Variants in UNC79 observed in about 807,000 individuals in gnomAD.
The protein encoded by UNC79 is protein unc-79 homolog.
In UNC79, 37 loss-of-function variants were observed where a neutral mutation model predicts 283.1. That is an observed-to-expected ratio of 0.13 (90% CI 0.10 to 0.17). UNC79 has a LOEUF of 0.17. UNC79 is among the 10% of genes least tolerant of loss of function. UNC79 has a pLI of 1.00. For missense variants in UNC79, 2,272 were observed against 3,211.1 expected (o/e 0.71, Z 7.07); for synonymous variants, 1,107 against 1,200.2 (o/e 0.92, Z 1.61).
intron 7 of UNC79, among the ~76,000 whole-genome samples, chr14:93,505,263 C>T (rs1325731090): frequency 6.6e-6 from 1 of 152,030 alleles, no homozygotes; most frequent in Non-Finnish European, 1.5e-5. Flanking sequence ...TGTTAAAAAT[C>T]TCTTACTATG....
chr14:93,440,285 G>A (rs1476522194), intron 1 of UNC79, among the ~76,000 whole-genome samples: 3 of 152,016 alleles, frequency 2.0e-5, no homozygotes, highest in Non-Finnish European at 4.4e-5. Flanking sequence ...GATACTGAGG[G>A]ATGACTGTAT....
At chr14:93,566,708 G>T (rs2062908031) in intron 14 of UNC79, among the ~76,000 whole-genome samples, 1 of 150,676 alleles carries the variant, frequency 6.6e-6, no homozygotes, top group African/African-American at 2.4e-5. Flanking sequence ...CATGATCTCG[G>T]CTCACTGCAA....
At chr14:93,497,695 T>G (rs2059076558) in intron 7 of UNC79, among the ~76,000 whole-genome samples, 1 of 152,134 alleles carries the variant, frequency 6.6e-6, no homozygotes, top group Non-Finnish European at 1.5e-5. Flanking sequence ...AAATAAAAAT[T>G]AAATGACCCA....
In UNC79 at chr14:93,420,414, G is replaced by A. The variant is rs190263060; in HGVS notation, c.-350-47257G>A. ...GGGGTCAATTCAGCAAGAGGATATA[G>A]TAAATATATATGTACTCAATAGGGG... is the stretch of plus-strand genomic sequence containing the variant. On this transcript the variant is annotated intron_variant, in intron 1 of 49. Transcript: ENST00000256339. Among the ~76,000 whole-genome samples, 9 of 151,576 alleles carry A rather than the reference G, an allele frequency of 5.9e-5. No individual in the cohort carries two copies. In the East Asian group the frequency reaches 1.8e-3, roughly 30 times the overall value.
Position 93,403,060 on chromosome 14 carries a change from A to C in UNC79, c.-350-64611A>C, listed in dbSNP as rs2055143911. On this transcript the variant is annotated intron_variant, in intron 1 of 49. Transcript: ENST00000256339. ...GTGGGAGTGGGGCTTCCAGGTCATA[A>C]ATAGGTAGGAGACAAATGGTTGCAT... Among the ~76,000 whole-genome samples, 4 of 152,318 alleles carry C rather than the reference A, an allele frequency of 2.6e-5. No homozygotes were observed. The East Asian group carries it at 7.7e-4, about 29-fold the overall frequency.
Position 93,621,102 on chromosome 14 carries a change from G to T in UNC79, c.4388-519G>T. Reference sequence around the variant, plus strand: ...ATGTTGTACTCTACCGTTTGTTTGGGGTGAAATCTTAATTTTATTATGTTA... The same window carrying T: ...ATGTTGTACTCTACCGTTTGTTTGGTGTGAAATCTTAATTTTATTATGTTA... On this transcript the variant is annotated intron_variant, in intron 29 of 48. Coordinates refer to ENST00000555664, the Ensembl canonical transcript of UNC79. This position sits in a 1 kb window ranked among gnomAD's most constrained non-coding sequence, Gnocchi z 4.8. 2.2e-6 allele frequency: 1 copy of T among 447,676 alleles called. No individual in the cohort carries two copies. The highest frequency in any genetic ancestry group is 4.4e-6 in the Non-Finnish European group (1 of 228,426). 27.7% of individuals were successfully genotyped at this position (447,676 alleles called of 1,614,324 possible).
intron 14 of UNC79, among the ~76,000 whole-genome samples, chr14:93,560,761 A>G (rs1331425525): frequency 6.6e-6 from 1 of 152,134 alleles, no homozygotes; most frequent in Non-Finnish European, 1.5e-5. Context: ...AGCTTGTGCC[A>G]GGCAAAACTG....
intron 1 of UNC79, among the ~76,000 whole-genome samples, chr14:93,436,023 G>C (rs147530737): frequency 2.0e-5 from 3 of 152,118 alleles, no homozygotes; most frequent in Non-Finnish European, 4.4e-5. Flanking sequence ...TTTACTTTGT[G>C]TGTAGATTGT....
At chr14:93,624,295 T>C (rs2067375160) in intron 30 of UNC79, among the ~76,000 whole-genome samples, 1 of 152,202 alleles carries the variant, frequency 6.6e-6, no homozygotes, top group Non-Finnish European at 1.5e-5. Flanking sequence ...GAAAGGGTCA[T>C]GCTCCAGCCA....
intron 14 of UNC79, among the ~76,000 whole-genome samples, chr14:93,547,551 A>T (rs2061662815): frequency 6.6e-6 from 1 of 152,246 alleles, no homozygotes; most frequent in African/African-American, 2.4e-5. Context: ...TTAGTTATTT[A>T]TTTAACCTAT....
chr14:93,436,915 T>C (rs2056103350), intron 1 of UNC79, among the ~76,000 whole-genome samples: 1 of 152,176 alleles, frequency 6.6e-6, no homozygotes, highest in Non-Finnish European at 1.5e-5. Flanking sequence ...ATACAGCTTA[T>C]CATGTGAGTC....
rs1250609053 is a variant in UNC79, at chr14:93,542,714, G to A, written c.1755+18G>A. The A allele has an allele frequency of 6.2e-7, 1 of 1,613,276 alleles. No individual in the cohort carries two copies. Among genetic ancestry groups the A allele is most frequent in the Non-Finnish European group, 8.5e-7 (1 of 1,179,290 alleles). On this transcript the variant is annotated intron_variant, in intron 14 of 48. Coordinates refer to ENST00000555664, the Ensembl canonical transcript of UNC79. Reference sequence around the variant, plus strand: ...TTGCCAGGGTAAGTGGAGGCCTACAGCTCACACCTTGTTAGAGAGGAGGAC... The same window carrying A: ...TTGCCAGGGTAAGTGGAGGCCTACAACTCACACCTTGTTAGAGAGGAGGAC...
rs117444101 is a variant in UNC79 at position 93,433,491 on chromosome 14, T to A, written c.22+2440T>A. On this transcript the variant is annotated intron_variant, in intron 1 of 48. Coordinates refer to ENST00000555664, the Ensembl canonical transcript of UNC79. ...AACGCAGATTGGCAGCATTTTATCC[T>A]TGGACTTGGTAGAAGTTTAGCTACG... Among the ~76,000 whole-genome samples, 175 of 152,258 alleles carry A rather than the reference T, an allele frequency of 1.1e-3. 2 individuals carry two copies. The East Asian group carries it at 0.031, about 27-fold the overall frequency.
At chr14:93,399,655 A>G (rs1717117082) in intron 1 of UNC79, among the ~76,000 whole-genome samples, 1 of 152,216 alleles carries the variant, frequency 6.6e-6, no homozygotes, top group African/African-American at 2.4e-5. Context: ...GGAGGTTGCC[A>G]TCAATAATCC....
intron 1 of UNC79, among the ~76,000 whole-genome samples, chr14:93,374,244 A>G (rs528327595): frequency 1.3e-5 from 2 of 152,280 alleles, no homozygotes; most frequent in African/African-American, 2.4e-5. Context: ...TCCACCTGGG[A>G]AAGTTTCAGG....
intron 14 of UNC79, among the ~76,000 whole-genome samples, chr14:93,569,522 A>G (rs1275769473): frequency 6.6e-6 from 1 of 152,230 alleles, no homozygotes; most frequent in African/African-American, 2.4e-5. Flanking sequence ...TACATCTGAA[A>G]AGGGGAGAGG....
intron 7 of UNC79, among the ~76,000 whole-genome samples, chr14:93,504,545 A>C (rs774846014): frequency 2.0e-5 from 3 of 151,924 alleles, no homozygotes; most frequent in Non-Finnish European, 4.4e-5. Context: ...TACTAGATGT[A>C]GATGTGTAGA....
At chr14:93,667,274 C>A (rs980460696) in intron 40 of UNC79, among the ~76,000 whole-genome samples, 4 of 151,894 alleles carry the variant, frequency 2.6e-5, no homozygotes, top group African/African-American at 9.7e-5. Context: ...AACATAGATA[C>A]AATGGAAGAT....
At chr14:93,462,608 G>C (rs1227738496) in intron 1 of UNC79, among the ~76,000 whole-genome samples, 7 of 152,220 alleles carry the variant, frequency 4.6e-5, no homozygotes, top group Non-Finnish European at 1.0e-4. Context: ...CTGCTGCTGA[G>C]TAATGACAGT....
Sources: allele counts gnomAD v4.1 joint callset (sites outside exome capture counted in the v4.1 genomes callset), GRCh38; gene constraint gnomAD v4.1.1; non-coding constraint Gnocchi (gnomAD v3.1); transcripts MANE v1.5; gene names NCBI Gene and HGNC (gene_info 2026-07-23, HGNC 2026-07-21).